The following GRM8 variants were observed in gnomAD, a reference collection of about 807,000 sequenced individuals.
GRM8 encodes the protein metabotropic glutamate receptor 8.
GRM8 carries 47 observed loss-of-function variants against 87.2 expected under a neutral mutation model. The ratio of observed to expected loss-of-function variants is 0.54; its 90% CI spans 0.43 to 0.69. GRM8 has a LOEUF of 0.69. GRM8 is among the 30% of genes least tolerant of loss of function. The pLI is 0.00. For synonymous variants in GRM8, 396 were observed against 404.5 expected, an observed-to-expected ratio of 0.98 and a Z score of 0.25; for missense variants, 1,019 against 1,139.2, an observed-to-expected ratio of 0.89 and a Z score of 1.52.
At chr7:126,625,492 C>T in intron 7 of GRM8, among the ~76,000 whole-genome samples, 1 of 150,564 alleles carries the variant, frequency 6.6e-6, no homozygotes, top group African/African-American at 2.4e-5. Context: ...TCTGAACCAA[C>T]TCTTCTTCTT....
chr7:127,089,481 C>T (rs1823844600), intron 3 of GRM8, among the ~76,000 whole-genome samples: 1 of 152,186 alleles, frequency 6.6e-6, no homozygotes, highest in Admixed American at 6.5e-5. Context: ...GTATGCAAGC[C>T]TACAGCTGCT....
chr7:127,031,661 A>T (rs1279612397), intron 3 of GRM8, among the ~76,000 whole-genome samples: 2 of 152,198 alleles, frequency 1.3e-5, no homozygotes, highest in Non-Finnish European at 2.9e-5. Context: ...TTAGTGCAAT[A>T]TATGTATAGA....
At chr7:127,019,323 A>T (rs988915059) in intron 3 of GRM8, among the ~76,000 whole-genome samples, 6 of 152,038 alleles carry the variant, frequency 3.9e-5, no homozygotes, top group Non-Finnish European at 7.4e-5. Context: ...AACTTTCTCC[A>T]TTGCTGTATA....
At chr7:126,953,107 A>G (rs1808330662) in intron 3 of GRM8, among the ~76,000 whole-genome samples, 1 of 152,152 alleles carries the variant, frequency 6.6e-6, no homozygotes, top group South Asian at 2.1e-4. Context: ...ATTTAAAGTT[A>G]AAAGAAAAGG....
chr7:127,195,806 C>T (rs920166864), intron 2 of GRM8, among the ~76,000 whole-genome samples: 1 of 152,162 alleles, frequency 6.6e-6, no homozygotes, highest in Non-Finnish European at 1.5e-5. Context: ...TTTGGGGCTA[C>T]TTGTGTACTT....
intron 3 of GRM8, among the ~76,000 whole-genome samples, chr7:127,004,592 T>C (rs1412173477): frequency 2.0e-5 from 3 of 151,586 alleles, no homozygotes; most frequent in East Asian, 1.9e-4. Context: ...TGGAAAAATT[T>C]ATAAATGATC....
At chr7:126,507,942 C>T (rs1810738071) in intron 9 of GRM8, among the ~76,000 whole-genome samples, 1 of 151,968 alleles carries the variant, frequency 6.6e-6, no homozygotes, top group South Asian at 2.1e-4. Context: ...CTCTCTCTCC[C>T]CATCCCCTCT....
rs371884952 is a variant in GRM8 at position 127,186,687 on chromosome 7, C to T, written c.510+56008G>A. 2.3e-4 allele frequency among the ~76,000 whole-genome samples: 35 copies of T among 152,186 alleles called. 1 individual carries two copies. The South Asian group carries it at 3.7e-3, about 16-fold the overall frequency. Reference sequence around the variant, plus strand: ...AACTCTTACTGATAAAAGCATAAAACGTGTACAAAGAGAATATGAAATGTA... The same window carrying T: ...AACTCTTACTGATAAAAGCATAAAATGTGTACAAAGAGAATATGAAATGTA... On this transcript the variant is annotated intron_variant, in intron 2 of 10. Transcript: ENST00000339582.
At chr7:126,991,539 T>C (rs935577029) in intron 3 of GRM8, among the ~76,000 whole-genome samples, 3 of 152,216 alleles carry the variant, frequency 2.0e-5, no homozygotes, top group Non-Finnish European at 2.9e-5. Context: ...GAGATTATAA[T>C]TTTTAATCTA....
At chr7:127,171,799 G>C (rs1373799464) in intron 2 of GRM8, among the ~76,000 whole-genome samples, 1 of 152,036 alleles carries the variant, frequency 6.6e-6, no homozygotes, top group Non-Finnish European at 1.5e-5. Context: ...ACATCCCCAA[G>C]GTATGCCTGT....
rs1276969429 is a variant in GRM8 at position 127,119,903 on chromosome 7, CTT to C, written c.511-13193_511-13192del. ...CATTCCTTAGGATGTGGCCTAGACTCTTTTGTGTTCACTTCATACCCACTCCA... is the reference window on the plus strand; with the variant it reads ...CATTCCTTAGGATGTGGCCTAGACTCTTGTGTTCACTTCATACCCACTCCA... On this transcript the variant is annotated intron_variant, in intron 2 of 10. Coordinates refer to ENST00000339582, the MANE Select transcript of GRM8 (RefSeq NM_000845.3). Among the ~76,000 whole-genome samples, 3 of 152,192 alleles carry C rather than the reference CTT, an allele frequency of 2.0e-5. No homozygotes were observed. The South Asian group carries it at 6.2e-4, about 32-fold the overall frequency.
At chr7:127,121,399 A>T (rs944239332) in intron 2 of GRM8, among the ~76,000 whole-genome samples, 2 of 152,280 alleles carry the variant, frequency 1.3e-5, no homozygotes, top group African/African-American at 4.8e-5. Flanking sequence ...GTAGTGCCTG[A>T]GAACCCAGGA....
chr7:126,851,522 C>G (rs1278403081), intron 6 of GRM8, among the ~76,000 whole-genome samples: 1 of 152,168 alleles, frequency 6.6e-6, no homozygotes, highest in Non-Finnish European at 1.5e-5. Flanking sequence ...CTGACCTCAT[C>G]TCCTGTTATC....
intron 7 of GRM8, among the ~76,000 whole-genome samples, chr7:126,657,361 G>A (rs547833413): frequency 6.6e-6 from 1 of 152,230 alleles, no homozygotes; most frequent in African/African-American, 2.4e-5. Flanking sequence ...AAATACTCTT[G>A]TACCAACCTA....
intron 3 of GRM8, among the ~76,000 whole-genome samples, chr7:126,928,235 G>A (rs1444371000): frequency 1.6e-5 from 2 of 126,842 alleles, no homozygotes; most frequent in Non-Finnish European, 3.3e-5. Flanking sequence ...GGGGGTGGGG[G>A]GCAAGGGGAG....
chr7:126,578,733 G>A (rs745403255), intron 8 of GRM8, among the ~76,000 whole-genome samples: 3 of 151,952 alleles, frequency 2.0e-5, no homozygotes, highest in Non-Finnish European at 2.9e-5. Flanking sequence ...CTGTATAAAG[G>A]CACATTAATA....
At chr7:126,463,822 T>C (rs1474322964) in intron 9 of GRM8, among the ~76,000 whole-genome samples, 1 of 151,726 alleles carries the variant, frequency 6.6e-6, no homozygotes, top group African/African-American at 2.4e-5. Flanking sequence ...AATCTGACAC[T>C]GCCTGTAACC....
intron 6 of GRM8, among the ~76,000 whole-genome samples, chr7:126,889,242 A>G (rs1563285774): frequency 6.6e-6 from 1 of 152,156 alleles, no homozygotes; most frequent in East Asian, 1.9e-4. Context: ...AATGCGGAAA[A>G]TAAGCATTTA....
At chr7:126,625,835 T>A (rs10954125) in intron 7 of GRM8, among the ~76,000 whole-genome samples, 1 of 151,906 alleles carries the variant, frequency 6.6e-6, no homozygotes, top group East Asian at 1.9e-4. Flanking sequence ...AAAGAACATA[T>A]AATAATTAGG....
Sources: allele counts gnomAD v4.1 joint callset (sites outside exome capture counted in the v4.1 genomes callset), GRCh38; gene constraint gnomAD v4.1.1; transcripts MANE v1.5; gene names NCBI Gene and HGNC (gene_info 2026-07-23, HGNC 2026-07-21).